Variants in FAM89A observed in about 807,000 individuals in gnomAD.
FAM89A encodes protein FAM89A.
Under a neutral mutation model 7.1 loss-of-function variants are expected in FAM89A, and 10 were observed. The observed-to-expected ratio is 1.40, with a 90% CI of 0.86 to 2.38. The LOEUF is 2.38. Ranked by LOEUF, FAM89A falls within the 30% of genes most tolerant of loss-of-function variation. The pLI, the probability that FAM89A is intolerant of heterozygous loss-of-function variation, is 0.00. For synonymous variants in FAM89A, 157 were observed against 129.3 expected (o/e 1.21, Z -1.45); for missense variants, 276 against 262.8 (o/e 1.05, Z -0.35).
rs760865548 is a variant in FAM89A, at chr1:231,020,129, T to C, written c.292-3A>G. The C allele has an allele frequency of 1.2e-6, 2 of 1,601,150 alleles. No homozygotes were observed. The highest frequency in any genetic ancestry group is 1.7e-6 in the Non-Finnish European group (2 of 1,170,910). On this transcript the variant is annotated splice_polypyrimidine_tract_variant and splice_region_variant and intron_variant, in intron 1 of 1. Transcript: ENST00000366654. ...ATGTCCAGCTGGCGGAGACCAACCT[T>C]GAGGGAAGGGGTGGGGAGGTAAAAA...
At chr1:231,030,583 ATTCTT>A (rs1680049951) in intron 1 of FAM89A, among the ~76,000 whole-genome samples, 2 of 152,152 alleles carry the variant, frequency 1.3e-5, no homozygotes, top group South Asian at 4.1e-4. Flanking sequence ...GTCTTTGTAC[ATTCTT>A]TTATTTTTTT....
At chr1:231,039,603 C>T (rs1680220952) in intron 1 of FAM89A, among the ~76,000 whole-genome samples, 2 of 152,208 alleles carry the variant, frequency 1.3e-5, no homozygotes, top group African/African-American at 4.8e-5. Context: ...AAGGCCGCCC[C>T]CGCCCCCAGG....
chr1:231,024,058 T>C (rs1256548105), intron 1 of FAM89A, among the ~76,000 whole-genome samples: 4 of 152,132 alleles, frequency 2.6e-5, no homozygotes, highest in Non-Finnish European at 2.9e-5. Flanking sequence ...TAGGGAAAGG[T>C]TGGTATGAAA....
intron 1 of FAM89A, chr1:231,028,515 G>T (rs574466403): frequency 6.6e-6 from 1 of 152,186 alleles, no homozygotes; most frequent in East Asian, 1.9e-4. Context: ...CCGAGCAGAA[G>T]CAGCCTGGAT....
chr1:231,029,475 G>C (rs748267048), intron 1 of FAM89A, among the ~76,000 whole-genome samples: 3 of 151,236 alleles, frequency 2.0e-5, no homozygotes, highest in Non-Finnish European at 2.9e-5. Flanking sequence ...CTGGGCAACA[G>C]AGCAAGACCC....
chr1:231,034,512 C>T (rs1031018073), intron 1 of FAM89A, among the ~76,000 whole-genome samples: 1 of 152,158 alleles, frequency 6.6e-6, no homozygotes, highest in African/African-American at 2.4e-5. Context: ...GTGGCTCACG[C>T]CTGTAATCCC....
At chr1:231,036,821 T>G (rs1680162964) in intron 1 of FAM89A, among the ~76,000 whole-genome samples, 1 of 152,242 alleles carries the variant, frequency 6.6e-6, no homozygotes, top group African/African-American at 2.4e-5. Context: ...TAACATGCTC[T>G]TCAGCTGATG....
At chr1:231,037,745 G>A (rs918729103) in intron 1 of FAM89A, among the ~76,000 whole-genome samples, 3 of 151,954 alleles carry the variant, frequency 2.0e-5, no homozygotes, top group African/African-American at 4.8e-5. Context: ...TTCCAGCTCC[G>A]CAGCTACCTT....
At chr1:231,022,284 G>A (rs1177110726) in intron 1 of FAM89A, 9 of 715,530 alleles carry the variant, frequency 1.3e-5, no homozygotes, top group South Asian at 3.1e-5. Flanking sequence ...TGAAACCCAC[G>A]TCTGATATGT....
intron 1 of FAM89A, among the ~76,000 whole-genome samples, chr1:231,031,133 T>TAAA (rs1018670925): frequency 6.9e-6 from 1 of 144,624 alleles, no homozygotes; most frequent in African/African-American, 2.5e-5. Context: ...ATAATAATAA[T>TAAA]AAACCTATTA....
chr1:231,030,221 C>A (rs1018761589), intron 1 of FAM89A, among the ~76,000 whole-genome samples: 108 of 152,132 alleles, frequency 7.1e-4, no homozygotes, highest in African/African-American at 2.5e-3. Flanking sequence ...TTAGACCTGC[C>A]AAGCTGAGGA....
chr1:231,040,241 C>G lies in FAM89A; in HGVS notation c.-30G>C, dbSNP rs889741281. On this transcript the variant is annotated 5_prime_UTR_variant, in exon 1 of 2. Transcript: ENST00000366654. ...CCGCGGCCCGGCCACGCGCCTGCCCCGCTGCAGCGAACCAAGGCTTTCCCC... is the reference window on the plus strand; with the variant it reads ...CCGCGGCCCGGCCACGCGCCTGCCCGGCTGCAGCGAACCAAGGCTTTCCCC... The G allele has an allele frequency of 1.9e-6, 2 of 1,030,936 alleles. No individual in the cohort carries two copies. Among genetic ancestry groups the G allele is most frequent in the Non-Finnish European group, 2.3e-6 (2 of 861,730 alleles). 63.9% of individuals were successfully genotyped at this position (1,030,936 alleles called of 1,614,324 possible).
chr1:231,035,888 C>T (rs917158401), intron 1 of FAM89A, among the ~76,000 whole-genome samples: 1 of 152,224 alleles, frequency 6.6e-6, no homozygotes, highest in African/African-American at 2.4e-5. Context: ...CACATGCTCA[C>T]ACCATCTTAT....
intron 1 of FAM89A, among the ~76,000 whole-genome samples, chr1:231,022,528 C>T (rs1478169968): frequency 6.6e-6 from 1 of 152,034 alleles, no homozygotes; most frequent in Non-Finnish European, 1.5e-5. Context: ...CCGGGCACAC[C>T]ACCTTTTGTC....
intron 1 of FAM89A, among the ~76,000 whole-genome samples, chr1:231,039,364 T>C (rs1278041548): frequency 6.6e-6 from 1 of 152,228 alleles, no homozygotes; most frequent in Non-Finnish European, 1.5e-5. Context: ...GGTGCGCGTC[T>C]GCTTTCGCAG....
chr1:231,031,525 T>C (rs759989389), intron 1 of FAM89A, among the ~76,000 whole-genome samples: 3 of 152,208 alleles, frequency 2.0e-5, no homozygotes, highest in Non-Finnish European at 2.9e-5. Flanking sequence ...TGTTGGTACA[T>C]TTTCTTATAT....
chr1:231,034,477 A>C (rs1308062401), intron 1 of FAM89A, among the ~76,000 whole-genome samples: 1 of 151,930 alleles, frequency 6.6e-6, no homozygotes, highest in African/African-American at 2.4e-5. Context: ...CGGCTTGTTA[A>C]AAATGCAGAT....
At chr1:231,037,070 A>G (rs995785613) in intron 1 of FAM89A, among the ~76,000 whole-genome samples, 1 of 151,978 alleles carries the variant, frequency 6.6e-6, no homozygotes, top group Non-Finnish European at 1.5e-5. Flanking sequence ...GTATATATGT[A>G]TGTGTGTGTG....
rs1209173004 is a variant in FAM89A, at chr1:231,022,002, G to A, written c.292-1876C>T. ...GGCCTCAGGCCCTCGGGTACTGTCG[G>A]TTGTCCTATCTGCATGGACAGATAT... On this transcript the variant is annotated intron_variant, in intron 1 of 1. Coordinates refer to ENST00000366654, the MANE Select transcript of FAM89A (RefSeq NM_198552.3). 3.0e-6 allele frequency: 4 copies of A among 1,344,580 alleles called. No homozygotes were observed. In the Admixed American group the frequency reaches 5.0e-5, roughly 17 times the overall value. 83.3% of individuals were successfully genotyped at this position (1,344,580 alleles called of 1,614,324 possible).
Sources: gnomAD v4.1 joint callset for allele counts (sites outside exome capture counted in the v4.1 genomes callset) on GRCh38, gnomAD v4.1.1 for gene constraint, MANE v1.5 for transcripts, NCBI Gene and HGNC (gene_info 2026-07-23, HGNC 2026-07-21) for gene names.